The following PCDH9 variants were observed in gnomAD, a reference collection of about 807,000 sequenced individuals.
PCDH9 encodes protocadherin-9.
A neutral mutation model predicts 70.6 loss-of-function variants in PCDH9; 24 were observed. That is an observed-to-expected ratio of 0.34 (90% CI 0.25 to 0.48). The LOEUF is 0.48. PCDH9 is among the 20% of genes least tolerant of loss of function. The pLI is 0.99. For missense variants in PCDH9, 1,281 were observed against 1,503.6 expected (o/e 0.85, Z 2.45); for synonymous variants, 562 against 558.5 (o/e 1.01, Z -0.09).
chr13:67,040,380 C>T (rs2085088673), intron 2 of PCDH9, among the ~76,000 whole-genome samples: 1 of 152,102 alleles, frequency 6.6e-6, no homozygotes, highest in African/African-American at 2.4e-5. Context: ...GAGGCTGAGG[C>T]GGAAAGACTG....
At chr13:67,135,759 T>A (rs2087218454) in intron 2 of PCDH9, among the ~76,000 whole-genome samples, 1 of 152,052 alleles carries the variant, frequency 6.6e-6, no homozygotes. Flanking sequence ...TTAGGAGAAA[T>A]TGTAGTACAT....
intron 2 of PCDH9, among the ~76,000 whole-genome samples, chr13:66,926,532 T>C (rs2082720968): frequency 6.6e-6 from 1 of 152,086 alleles, no homozygotes. Flanking sequence ...GGACGATCTC[T>C]ACAACCAAGA....
At chr13:66,539,994 T>G (rs938820603) in intron 4 of PCDH9, among the ~76,000 whole-genome samples, 1 of 151,348 alleles carries the variant, frequency 6.6e-6, no homozygotes, top group African/African-American at 2.4e-5. Flanking sequence ...CTTAGCCTCC[T>G]GAGTAGCTGA....
intron 2 of PCDH9, among the ~76,000 whole-genome samples, chr13:67,183,774 A>G (rs1424683240): frequency 6.6e-6 from 1 of 152,122 alleles, no homozygotes; most frequent in East Asian, 1.9e-4. Context: ...ATAAGATTTA[A>G]CCTGTTTACG....
intron 4 of PCDH9, among the ~76,000 whole-genome samples, chr13:66,340,674 T>A (rs180864432): frequency 1.4e-4 from 22 of 152,324 alleles, no homozygotes; most frequent in Non-Finnish European, 1.0e-4. Flanking sequence ...CATGGTTAAT[T>A]CATTTAATCC....
At chr13:66,609,250 A>T (rs564473288) in intron 4 of PCDH9, among the ~76,000 whole-genome samples, 14 of 152,318 alleles carry the variant, frequency 9.2e-5, no homozygotes, top group African/African-American at 2.9e-4. Flanking sequence ...CATATAGAAA[A>T]TAAAAAATAT....
intron 3 of PCDH9, among the ~76,000 whole-genome samples, chr13:66,896,288 G>A (rs2139580204): frequency 1.3e-5 from 2 of 152,226 alleles, no homozygotes; most frequent in South Asian, 4.1e-4. Flanking sequence ...TTACAATGAA[G>A]TAATTCATAA....
intron 3 of PCDH9, among the ~76,000 whole-genome samples, chr13:66,708,102 T>C (rs1421900675): frequency 6.6e-6 from 1 of 151,790 alleles, no homozygotes; most frequent in African/African-American, 2.4e-5. Context: ...CAGGCTGGAG[T>C]GCAGTGGCGG....
intron 3 of PCDH9, among the ~76,000 whole-genome samples, chr13:66,721,686 A>G (rs970029417): frequency 1.3e-5 from 2 of 152,216 alleles, no homozygotes; most frequent in African/African-American, 4.8e-5. Context: ...TTGAACTATT[A>G]GCAGCTGCTC....
chr13:67,190,904 A>G (rs1030722797), intron 2 of PCDH9, among the ~76,000 whole-genome samples: 2 of 152,080 alleles, frequency 1.3e-5, no homozygotes, highest in Admixed American at 6.6e-5. Context: ...TGACCTTCTT[A>G]TTGATAAGTA....
chr13:66,505,595 G>A (rs567284369), intron 4 of PCDH9, among the ~76,000 whole-genome samples: 7 of 152,296 alleles, frequency 4.6e-5, no homozygotes, highest in Admixed American at 1.3e-4. Context: ...ATGGTGGAAG[G>A]TGAAAGAGAA....
At chr13:66,593,795 T>C (rs1381846505) in intron 4 of PCDH9, among the ~76,000 whole-genome samples, 2 of 151,774 alleles carry the variant, frequency 1.3e-5, no homozygotes, top group Non-Finnish European at 2.9e-5. Context: ...AAGGATGAAA[T>C]TGATTTGTGA....
chr13:67,226,507 A>G lies in PCDH9; in HGVS notation c.1934T>C (p.Val645Ala), dbSNP rs766393138. Residue 645 changes from valine to alanine, a missense_variant, in exon 2 of 5, where the codon GTC becomes GCC. Around this residue, in one of 4 missense-constraint regions of PCDH9, gnomAD observed 798 missense variants for 1,003.1 expected, o/e 0.80. Transcript: ENST00000377865. The surrounding 1 kb of genome is among the most constrained non-coding windows in gnomAD (Gnocchi z 5.0). The stretch of plus-strand genomic sequence containing the variant: ...TGGTTGTCCTCCATCAGTGGCTTTG[A>G]CATCAAAAGTGTAGGAACTCTGCTG... ...REQQSSYTFDVKATDGGQPPR... is the reference protein window; with the variant it reads ...REQQSSYTFDAKATDGGQPPR... The G allele has an allele frequency of 6.2e-7, 1 of 1,614,012 alleles. No homozygotes were observed. The highest frequency in any genetic ancestry group is 1.3e-5 in the African/African-American group (1 of 74,922).
chr13:66,942,133 C>T (rs928716324), intron 2 of PCDH9, among the ~76,000 whole-genome samples: 1 of 151,568 alleles, frequency 6.6e-6, no homozygotes, highest in African/African-American at 2.4e-5. Context: ...AATAAAATTA[C>T]AACATATCAA....
intron 4 of PCDH9, among the ~76,000 whole-genome samples, chr13:66,430,873 G>A (rs139738335): frequency 6.6e-6 from 1 of 152,154 alleles, no homozygotes; most frequent in African/African-American, 2.4e-5. Flanking sequence ...TTCCAAAGTT[G>A]GAGATAAATT....
chr13:66,713,625 G>GTGTGTATATATA (rs1379996611), intron 3 of PCDH9, among the ~76,000 whole-genome samples: 3 of 110,004 alleles, frequency 2.7e-5, no homozygotes, highest in African/African-American at 1.1e-4. Context: ...GTGTGTGTGT[G>GTGTGTATATATA]TATATATATA....
chr13:66,626,355 C>G (rs1188107961), intron 4 of PCDH9, among the ~76,000 whole-genome samples: 1 of 152,148 alleles, frequency 6.6e-6, no homozygotes, highest in Non-Finnish European at 1.5e-5. Context: ...AAGTAATGAT[C>G]CATGCTGTCC....
chr13:66,728,949 G>GT (rs2079038475), intron 3 of PCDH9, among the ~76,000 whole-genome samples: 1 of 151,612 alleles, frequency 6.6e-6, no homozygotes, highest in Non-Finnish European at 1.5e-5. Flanking sequence ...TGTCCATGGT[G>GT]TTTTTTTCTT....
At chr13:67,129,264 C>T (rs1293313930) in intron 2 of PCDH9, among the ~76,000 whole-genome samples, 1 of 152,074 alleles carries the variant, frequency 6.6e-6, no homozygotes, top group Non-Finnish European at 1.5e-5. Flanking sequence ...ACAAAGCCAA[C>T]TCTTTGTGAT....
Sources: gnomAD v4.1 joint callset for allele counts (sites outside exome capture counted in the v4.1 genomes callset) on GRCh38, gnomAD v4.1.1 for gene constraint, gnomAD v4.1.1 regional missense constraint, Gnocchi (gnomAD v3.1) non-coding constraint, MANE v1.5 for transcripts, NCBI Gene and HGNC (gene_info 2026-07-23, HGNC 2026-07-21) for gene names.